OPCML: variants seen among roughly 807,000 people sequenced by gnomAD.
OPCML encodes the protein opioid-binding protein/cell adhesion molecule.
A neutral mutation model predicts 37.8 loss-of-function variants in OPCML; 13 were observed. That is an observed-to-expected ratio of 0.34 (90% CI 0.22 to 0.55). The LOEUF (loss-of-function observed/expected upper bound fraction) is 0.55. Ranked by LOEUF, OPCML falls within the 20% of genes least tolerant of loss-of-function variation. The pLI, the probability that OPCML is intolerant of heterozygous loss-of-function variation, is 0.91. For synonymous variants in OPCML, 176 were observed against 168.8 expected, an observed-to-expected ratio of 1.04 and a Z score of -0.33; for missense variants, 341 against 435.6, an observed-to-expected ratio of 0.78 and a Z score of 1.93.
chr11:133,140,036 A>T lies in OPCML; in HGVS notation c.62-197026T>A, dbSNP rs376776622. Among the ~76,000 whole-genome samples the T allele has an allele frequency of 7.3e-5, 11 of 150,838 alleles. No individual in the cohort carries two copies. In the East Asian group the frequency reaches 1.2e-3, roughly 16 times the overall value. On this transcript the variant is annotated intron_variant, in intron 1 of 7. Coordinates refer to ENST00000524381, the MANE Select transcript of OPCML (RefSeq NM_001012393.5). ...ACCCCATCTCAACTAAAAATACAAA[A>T]ATTTGCTAGGCGTAGTGGCGCACAC...
At position 132,660,280 on chromosome 11, in the gene OPCML, G is replaced by A. The variant is rs73593160; in HGVS notation, c.147-2961C>T. ...AAGATGGAAATGAAAATTGTGCATAGCAATGCCAACTCAATTATTTGAATG... is the reference window on the plus strand; with the variant it reads ...AAGATGGAAATGAAAATTGTGCATAACAATGCCAACTCAATTATTTGAATG... On this transcript the variant is annotated intron_variant, in intron 2 of 7. Coordinates refer to ENST00000524381, the MANE Select transcript of OPCML (RefSeq NM_001012393.5). 5.0e-3 allele frequency among the ~76,000 whole-genome samples: 768 copies of A among 152,222 alleles called. 6 individuals are homozygous for A. Among genetic ancestry groups the A allele is most frequent in the African/African-American group, 0.018 (732 of 41,550 alleles).
chr11:132,595,152 C>T lies in OPCML; in HGVS notation c.379+61935G>A, dbSNP rs568839769. On this transcript the variant is annotated intron_variant, in intron 3 of 7. Transcript: ENST00000524381. ...ATGGCCTCTGTTTGAGGCTGTGCTG[C>T]GGTTTGTGAGAGAGCTGAGAAAAAG... Among the ~76,000 whole-genome samples the T allele has an allele frequency of 2.9e-4, 43 of 149,894 alleles. 1 individual carries two copies. The South Asian group carries it at 6.6e-3, about 23-fold the overall frequency.
intron 2 of OPCML, among the ~76,000 whole-genome samples, chr11:132,670,425 CTG>C (rs1286231223): frequency 6.6e-6 from 1 of 152,194 alleles, no homozygotes; most frequent in African/African-American, 2.4e-5. Flanking sequence ...TTCTCCAGAA[CTG>C]TGCATAAACA....
intron 1 of OPCML, among the ~76,000 whole-genome samples, chr11:133,531,801 G>A (rs367732895): frequency 5.9e-5 from 9 of 151,884 alleles, no homozygotes; most frequent in African/African-American, 1.9e-4. Flanking sequence ...ACAGGGAGGC[G>A]CAGAGATCTG....
In OPCML at chr11:132,705,498, T is replaced by C. The variant is rs148213291; in HGVS notation, c.147-48179A>G. Among the ~76,000 whole-genome samples the C allele has an allele frequency of 4.6e-3, 693 of 151,910 alleles. 3 individuals carry two copies. The highest frequency in any genetic ancestry group is 0.016 in the African/African-American group (653 of 41,426). The stretch of plus-strand genomic sequence containing the variant: ...GTCCCAGCTACTAAGGTGGCTGAGG[T>C]GGAAGGATCTCTTGAGCCCAGGAGG... On this transcript the variant is annotated intron_variant, in intron 2 of 7. Transcript: ENST00000524381.
chr11:132,529,876 A>T, intron 3 of OPCML, among the ~76,000 whole-genome samples: 1 of 152,128 alleles, frequency 6.6e-6, no homozygotes, highest in East Asian at 1.9e-4. Flanking sequence ...TGTACTCCAA[A>T]TTGTATTTTT....
chr11:133,382,538 G>A (rs2136784353), intron 1 of OPCML, among the ~76,000 whole-genome samples: 1 of 152,266 alleles, frequency 6.6e-6, no homozygotes, highest in East Asian at 1.9e-4. Context: ...CACTGCCCAG[G>A]CAGCCGGCCA....
intron 1 of OPCML, among the ~76,000 whole-genome samples, chr11:133,289,488 G>C (rs569535503): frequency 4.7e-5 from 7 of 150,282 alleles, no homozygotes; most frequent in South Asian, 2.1e-4. Context: ...CCAGCTACTC[G>C]GGAGGCTGAG....
At chr11:132,643,810 G>A (rs1382637765) in intron 3 of OPCML, among the ~76,000 whole-genome samples, 44 of 152,252 alleles carry the variant, frequency 2.9e-4, no homozygotes, top group Non-Finnish European at 7.4e-5. Context: ...AGTTTGGTCT[G>A]CGTTAGAGAG....
At chr11:132,516,538 C>A (rs2096280192) in intron 4 of OPCML, among the ~76,000 whole-genome samples, 1 of 152,104 alleles carries the variant, frequency 6.6e-6, no homozygotes, top group Admixed American at 6.6e-5. Flanking sequence ...AATATGTAAG[C>A]CCCAGGTACC....
chr11:133,410,249 G>A (rs542300333), intron 1 of OPCML, among the ~76,000 whole-genome samples: 1 of 152,298 alleles, frequency 6.6e-6, no homozygotes, highest in African/African-American at 2.4e-5. Context: ...TAGAAAAATA[G>A]GTGTTGGTTG....
Position 132,542,218 on chromosome 11 carries a change from C to T in OPCML, c.380-13032G>A, listed in dbSNP as rs145027494. Among the ~76,000 whole-genome samples the T allele has an allele frequency of 2.0e-5, 3 of 152,250 alleles. No individual in the cohort carries two copies. The East Asian group carries it at 5.8e-4, about 30-fold the overall frequency. ...TTAAGCCACTCCTGGCTGGGGAAGG[C>T]AGACGTGGAAAGATGCCTGGGCTGA... On this transcript the variant is annotated intron_variant, in intron 3 of 7. Transcript: ENST00000524381.
intron 1 of OPCML, among the ~76,000 whole-genome samples, chr11:133,501,370 C>T (rs1054467975): frequency 3.3e-5 from 5 of 152,148 alleles, no homozygotes; most frequent in Non-Finnish European, 7.4e-5. Context: ...TAATTATAGC[C>T]CTGGTTTATG....
chr11:133,210,536 C>T (rs927753801), intron 1 of OPCML, among the ~76,000 whole-genome samples: 1 of 152,142 alleles, frequency 6.6e-6, no homozygotes, highest in African/African-American at 2.4e-5. Context: ...TTTGACTGAA[C>T]CTCTTTCCTT....
At chr11:132,654,888 G>A (rs73593156) in intron 3 of OPCML, among the ~76,000 whole-genome samples, 3,817 of 151,774 alleles carry the variant, frequency 0.025, 105 homozygotes, top group African/African-American at 0.063. Flanking sequence ...ACCTCAGAGG[G>A]CTGGAGCCAG....
At chr11:132,556,689 G>A (rs2096396410) in intron 3 of OPCML, among the ~76,000 whole-genome samples, 1 of 152,146 alleles carries the variant, frequency 6.6e-6, no homozygotes, top group Non-Finnish European at 1.5e-5. Context: ...CAGAGAGGCT[G>A]CCACTTTCTC....
chr11:132,504,725 G>C (rs1426110000), intron 4 of OPCML, among the ~76,000 whole-genome samples: 1 of 152,132 alleles, frequency 6.6e-6, no homozygotes, highest in Non-Finnish European at 1.5e-5. Context: ...GGGAGAGAGA[G>C]GGTAAGACAC....
rs750616032 is a variant in OPCML at position 132,757,429 on chromosome 11, C to T, written c.147-100110G>A. On this transcript the variant is annotated intron_variant, in intron 2 of 7. Coordinates refer to ENST00000524381, the MANE Select transcript of OPCML (RefSeq NM_001012393.5). ...TACAGTCCCACCAACATTGTAAAAG[C>T]GTTCCTATTTCTCCACATCCTCTCC... Among the ~76,000 whole-genome samples the T allele has an allele frequency of 8.5e-5, 13 of 152,254 alleles. No homozygotes were observed. In the East Asian group the frequency reaches 1.9e-3, roughly 23 times the overall value.
At chr11:133,297,783 C>A (rs1942667140) in intron 1 of OPCML, 1 of 152,166 alleles carries the variant, frequency 6.6e-6, no homozygotes, top group South Asian at 2.1e-4. Context: ...TTTTAAAAAA[C>A]ATATGCCTGG....
Sources: allele counts gnomAD v4.1 joint callset (sites outside exome capture counted in the v4.1 genomes callset), GRCh38; gene constraint gnomAD v4.1.1; transcripts MANE v1.5; gene names NCBI Gene and HGNC (gene_info 2026-07-23, HGNC 2026-07-21).